The following KIRREL1 variants were observed in gnomAD, a reference collection of about 807,000 sequenced individuals.
The protein encoded by KIRREL1 is kin of IRRE-like protein 1.
A neutral mutation model predicts 83.3 loss-of-function variants in KIRREL1; 25 were observed. That is an observed-to-expected ratio of 0.30 (90% CI 0.22 to 0.42). The LOEUF (loss-of-function observed/expected upper bound fraction) is 0.42. Among genes scored for constraint, KIRREL1 ranks in the 10% least tolerant of loss-of-function variants. The pLI is 1.00. For missense variants in KIRREL1, 812 were observed against 1,032.3 expected, an observed-to-expected ratio of 0.79 and a Z score of 2.92; for synonymous variants, 388 against 410.4, an observed-to-expected ratio of 0.95 and a Z score of 0.66.
At chr1:158,019,465 G>T (rs745952151) in intron 1 of KIRREL1, among the ~76,000 whole-genome samples, 2 of 152,156 alleles carry the variant, frequency 1.3e-5, no homozygotes, top group African/African-American at 4.8e-5. Context: ...GTGATTGAGA[G>T]GGGGAGGTAG....
intron 1 of KIRREL1, among the ~76,000 whole-genome samples, chr1:158,043,942 A>T (rs1461165318): frequency 1.3e-5 from 2 of 152,204 alleles, no homozygotes; most frequent in East Asian, 3.8e-4. Flanking sequence ...CTTAGCCTCC[A>T]CATTTCCATC....
intron 4 of KIRREL1, 103 bp downstream of exon 4, chr1:158,084,682 G>A: frequency 7.9e-7 from 1 of 1,273,544 alleles, no homozygotes; most frequent in Non-Finnish European, 1.1e-6. Context: ...ACAGACATGA[G>A]AGGGGTCTTA....
chr1:158,007,499 G>A (rs1571530360), intron 1 of KIRREL1, among the ~76,000 whole-genome samples: 1 of 152,302 alleles, frequency 6.6e-6, no homozygotes, highest in East Asian at 1.9e-4. Context: ...TTTGTCAAAT[G>A]TGGTCCCTGC....
chr1:158,094,457 C>T lies in KIRREL1; in HGVS notation c.1797+67C>T, dbSNP rs144722218. 38 of 1,503,600 alleles carry T rather than the reference C, an allele frequency of 2.5e-5. No homozygotes were observed. The highest frequency in any genetic ancestry group is 6.9e-5 in the South Asian group (6 of 87,164). 93.1% of individuals were successfully genotyped at this position (1,503,600 alleles called of 1,614,324 possible). On this transcript the variant is annotated intron_variant, in intron 14 of 14. Coordinates refer to ENST00000359209, the MANE Select transcript of KIRREL1 (RefSeq NM_018240.7). The surrounding 1 kb of genome is among the most constrained non-coding windows in gnomAD (Gnocchi z 4.6). ...CCAGTGGGTTTCTGAGGTCCTGTAG[C>T]GGGGAGGTGAGGTGAGGACAGACTT... is the stretch of plus-strand genomic sequence containing the variant.
At chr1:158,056,926 C>T (rs1661080956) in intron 1 of KIRREL1, among the ~76,000 whole-genome samples, 1 of 152,122 alleles carries the variant, frequency 6.6e-6, no homozygotes, top group South Asian at 2.1e-4. Flanking sequence ...CAGTCTTTGC[C>T]TTCTGCCAGG....
At chr1:158,091,326 T>G in intron 10 of KIRREL1, 32 bp from the exon 11 acceptor site, 1 of 1,602,612 alleles carries the variant, frequency 6.2e-7, no homozygotes, top group Non-Finnish European at 8.5e-7. Flanking sequence ...CCCTGCCCCT[T>G]TCTTACCTTC....
intron 1 of KIRREL1, among the ~76,000 whole-genome samples, chr1:158,071,520 C>T (rs944936502): frequency 2.0e-5 from 3 of 152,214 alleles, no homozygotes; most frequent in Admixed American, 1.3e-4. Context: ...TTAAAACATA[C>T]GCGCAGAATC....
intron 1 of KIRREL1, among the ~76,000 whole-genome samples, chr1:158,059,254 T>C (rs1270070687): frequency 1.4e-4 from 21 of 152,286 alleles, no homozygotes; most frequent in East Asian, 1.2e-3. Context: ...ATCTAACTCA[T>C]TCTATTGTTG....
chr1:158,074,289 A>G (rs917369658), intron 1 of KIRREL1, among the ~76,000 whole-genome samples: 32 of 152,154 alleles, frequency 2.1e-4, no homozygotes, highest in Admixed American at 1.3e-3. Context: ...CCAAAGACCT[A>G]AATTTGCACA....
At chr1:158,010,766 C>T (rs1659666454) in intron 1 of KIRREL1, among the ~76,000 whole-genome samples, 1 of 152,116 alleles carries the variant, frequency 6.6e-6, no homozygotes, top group African/African-American at 2.4e-5. Flanking sequence ...CTTTCTCCTC[C>T]TCTCCTAAAT....
At position 158,098,827 on chromosome 1, in the gene KIRREL1, C is replaced by G. The variant is rs1477886569; in HGVS notation, c.*3707C>G. 1 of 152,218 alleles carries G rather than the reference C, an allele frequency of 6.6e-6. No individual in the cohort carries two copies. Among genetic ancestry groups the G allele is most frequent in the Non-Finnish European group, 1.5e-5 (1 of 68,042 alleles). The allele number at this position is 152,218 out of a possible 1,614,324, so 9.4% of individuals were successfully genotyped here. A position where few individuals can be genotyped will look rare whatever the true frequency, so the allele number is the denominator to read the frequency against. On this transcript the variant is annotated 3_prime_UTR_variant, in exon 15 of 15. Coordinates refer to ENST00000359209, the MANE Select transcript of KIRREL1 (RefSeq NM_018240.7). Reference sequence around the variant, plus strand: ...CCCTTATTCCAGCAGGGCTACTTTCCTCTTCACTCTGATGAGGGGAGCTTT... The same window carrying G: ...CCCTTATTCCAGCAGGGCTACTTTCGTCTTCACTCTGATGAGGGGAGCTTT...
At chr1:158,076,651 C>T (rs1054207903) in intron 2 of KIRREL1, among the ~76,000 whole-genome samples, 9 of 152,228 alleles carry the variant, frequency 5.9e-5, no homozygotes, top group East Asian at 3.9e-4. Flanking sequence ...TTCTGTGTCC[C>T]GCAAGTGTCT....
At chr1:158,091,746 C>T (rs1017261110) in intron 11 of KIRREL1, among the ~76,000 whole-genome samples, 190 bp downstream of exon 11, 2 of 152,230 alleles carry the variant, frequency 1.3e-5, no homozygotes, top group Non-Finnish European at 2.9e-5. Context: ...CCTCTGATTC[C>T]TGCCTATTGT....
intron 1 of KIRREL1, among the ~76,000 whole-genome samples, chr1:158,058,527 G>A (rs1363412337): frequency 6.6e-6 from 1 of 152,090 alleles, no homozygotes; most frequent in Non-Finnish European, 1.5e-5. Context: ...TGACCCCCAT[G>A]GATGTTGGCA....
chr1:158,042,212 GGTGTGTGTGTGTGTGTGT>G lies in KIRREL1; in HGVS notation c.53-33877_53-33860del, dbSNP rs10577493. Among the ~76,000 whole-genome samples the G allele has an allele frequency of 2.9e-5, 4 of 137,652 alleles. No individual in the cohort carries two copies. In the Admixed American group the frequency reaches 2.9e-4, roughly 10 times the overall value. 90.3% of individuals were successfully genotyped at this position (137,652 alleles called of 152,430 possible). A position where few individuals can be genotyped will look rare whatever the true frequency, so the allele number is the denominator to read the frequency against. ...GCTGCGTCGTGTGGGTCTTCTCCAG[GGTGTGTGTGTGTGTGTGT>G]GTGTGTGTGTGTGTGTGTGTGTGAC... On this transcript the variant is annotated intron_variant, in intron 1 of 14. Coordinates refer to ENST00000359209, the MANE Select transcript of KIRREL1 (RefSeq NM_018240.7).
Position 158,088,473 on chromosome 1 carries a change from G to GTTT in KIRREL1, c.1044+21_1044+22insTTT. 2 of 728,128 alleles carry GTTT rather than the reference G, an allele frequency of 2.7e-6. No individual in the cohort carries two copies. The highest frequency in any genetic ancestry group is 4.1e-6 in the Non-Finnish European group (2 of 488,806). The allele number at this position is 728,128 out of a possible 1,614,324, so 45.1% of individuals were successfully genotyped here. A position where few individuals can be genotyped will look rare whatever the true frequency, so the allele number is the denominator to read the frequency against. ...AAATATGGTAAGACTCTTACTGCCTGTTCTTTTTTTTTTTTTTTTTTTTTT... is the reference window on the plus strand; with the variant it reads ...AAATATGGTAAGACTCTTACTGCCTGTTTTTCTTTTTTTTTTTTTTTTTTTTTT... On this transcript the variant is annotated intron_variant, in intron 8 of 14. Transcript: ENST00000359209.
chr1:158,034,687 A>T (rs1660427462), intron 1 of KIRREL1, among the ~76,000 whole-genome samples: 1 of 152,216 alleles, frequency 6.6e-6, no homozygotes, highest in Admixed American at 6.5e-5. Context: ...TTTGAATTGT[A>T]AGCTGTTCAT....
chr1:158,024,141 G>T (rs1474855906), intron 1 of KIRREL1, among the ~76,000 whole-genome samples: 1 of 152,010 alleles, frequency 6.6e-6, no homozygotes, highest in African/African-American at 2.4e-5. Context: ...TAGAGACGGG[G>T]TTTCACCATG....
chr1:158,028,080 T>C (rs1453439680), intron 1 of KIRREL1, among the ~76,000 whole-genome samples: 5 of 152,188 alleles, frequency 3.3e-5, no homozygotes, highest in Non-Finnish European at 7.3e-5. Flanking sequence ...CACCCTACCA[T>C]GTCCCTGAGG....
Sources: allele counts gnomAD v4.1 joint callset (sites outside exome capture counted in the v4.1 genomes callset), GRCh38; gene constraint gnomAD v4.1.1; non-coding constraint Gnocchi (gnomAD v3.1); transcripts MANE v1.5; gene names NCBI Gene and HGNC (gene_info 2026-07-23, HGNC 2026-07-21).